PSD3: variants seen among roughly 807,000 people sequenced by gnomAD.
The protein encoded by PSD3 is pleckstrin and Sec7 domain containing 3, also known as PH and SEC7 domain-containing protein 3.
PSD3 carries 49 observed loss-of-function variants against 105.5 expected under a neutral mutation model. The observed-to-expected ratio is 0.46, with a 90% CI of 0.37 to 0.59. The LOEUF is 0.59. Ranked by LOEUF, PSD3 falls within the 20% of genes least tolerant of loss-of-function variation. The probability of loss-of-function intolerance (pLI) is 0.00; values close to 1 mark genes in which losing one functional copy is unlikely to be tolerated. For synonymous variants in PSD3, 557 were observed against 457.8 expected (o/e 1.22, Z -2.77); for missense variants, 1,561 against 1,263.8 (o/e 1.24, Z -3.57).
intron 1 of PSD3, among the ~76,000 whole-genome samples, chr8:18,984,559 C>A (rs189313119): frequency 1.7e-3 from 259 of 152,200 alleles, no homozygotes; most frequent in African/African-American, 6.1e-3. Context: ...ATCAAAGAAA[C>A]TATTTGAGCA....
intron 4 of PSD3, among the ~76,000 whole-genome samples, chr8:18,852,361 G>C (rs1271496590): frequency 5.3e-5 from 8 of 152,150 alleles, no homozygotes; most frequent in Non-Finnish European, 1.0e-4. Flanking sequence ...GACAATCTAG[G>C]AATACAGACA....
chr8:18,563,626 G>A (rs535754578), intron 14 of PSD3, among the ~76,000 whole-genome samples: 3 of 152,256 alleles, frequency 2.0e-5, no homozygotes, highest in African/African-American at 7.2e-5. Context: ...AGTATTTAAT[G>A]AGTATAAGCA....
intron 3 of PSD3, among the ~76,000 whole-genome samples, chr8:18,869,120 T>A (rs1167656541): frequency 1.3e-5 from 2 of 151,352 alleles, no homozygotes; most frequent in Admixed American, 6.6e-5. Flanking sequence ...GCACTTGGCA[T>A]AAACTGGACC....
At chr8:18,618,534 CATTTT>C (rs1199562212) in intron 11 of PSD3, among the ~76,000 whole-genome samples, 1 of 146,014 alleles carries the variant, frequency 6.8e-6, no homozygotes, top group African/African-American at 2.4e-5. Context: ...ACTTATTAAA[CATTTT>C]ATTGGCCATT....
chr8:18,604,736 C>G (rs924464570), intron 11 of PSD3, among the ~76,000 whole-genome samples: 1 of 152,170 alleles, frequency 6.6e-6, no homozygotes, highest in South Asian at 2.1e-4. Flanking sequence ...CAGGGCACTG[C>G]TGCCCTGTGA....
chr8:19,048,080 G>A (rs1828388260), intron 1 of PSD3, among the ~76,000 whole-genome samples: 1 of 152,116 alleles, frequency 6.6e-6, no homozygotes, highest in East Asian at 1.9e-4. Context: ...AGACTTCAAA[G>A]AGCCAGGGCA....
chr8:18,799,989 T>A (rs1475954546), intron 7 of PSD3, among the ~76,000 whole-genome samples: 1 of 152,196 alleles, frequency 6.6e-6, no homozygotes, highest in East Asian at 1.9e-4. Flanking sequence ...AGTTCTTTAG[T>A]ATAGTAGGTG....
At position 18,871,796 on chromosome 8, in the gene PSD3, T is replaced by G. The variant is rs777183598; in HGVS notation, c.1068A>C (p.Leu356Phe). 1.9e-6 allele frequency: 3 copies of G among 1,614,174 alleles called. No individual in the cohort carries two copies. The highest frequency in any genetic ancestry group is 2.5e-6 in the Non-Finnish European group (3 of 1,180,020). The change falls in exon 3 of 16, where the codon TTA becomes TTC. Residue 356 changes from leucine to phenylalanine, a missense_variant. Leu to Phe is a conservative substitution (Grantham distance 22, BLOSUM62 0). Transcript: ENST00000327040. ...AGGATTCATCCCAAACATTCTCAGT[T>G]AAACTACTTGAATTACACAAACCAG... ...SSAGLCNSSSLTENVWDESWK... is the reference protein window; with the variant it reads ...SSAGLCNSSSFTENVWDESWK...
At chr8:19,041,751 C>A (rs957141884) in intron 1 of PSD3, among the ~76,000 whole-genome samples, 2 of 152,210 alleles carry the variant, frequency 1.3e-5, no homozygotes, top group South Asian at 4.1e-4. Flanking sequence ...GAACAACAAG[C>A]ATTCCTCTGT....
chr8:18,621,833 G>GA (rs1029223363), intron 11 of PSD3, among the ~76,000 whole-genome samples: 2 of 151,996 alleles, frequency 1.3e-5, no homozygotes, highest in Admixed American at 6.6e-5. Flanking sequence ...TGTCTTTTGG[G>GA]AAAAAAAATT....
In PSD3 at chr8:18,856,038, A is replaced by C. The variant is rs1815981179; in HGVS notation, c.1634+11636T>G. On this transcript the variant is annotated intron_variant, in intron 4 of 15. Coordinates refer to ENST00000327040, the MANE Select transcript of PSD3 (RefSeq NM_015310.4). ...GGCAAAGAGGTTAACAATTCCCTTCACTCTCAAGTCCCCAAATCCAAGCAG... is the reference window on the plus strand; with the variant it reads ...GGCAAAGAGGTTAACAATTCCCTTCCCTCTCAAGTCCCCAAATCCAAGCAG... Among the ~76,000 whole-genome samples, 3 of 151,786 alleles carry C rather than the reference A, an allele frequency of 2.0e-5. No individual in the cohort carries two copies. The South Asian group carries it at 6.2e-4, about 32-fold the overall frequency.
At chr8:18,596,648 C>T (rs1804121824) in intron 12 of PSD3, among the ~76,000 whole-genome samples, 1 of 151,894 alleles carries the variant, frequency 6.6e-6, no homozygotes, top group Non-Finnish European at 1.5e-5. Flanking sequence ...GGAGGTATTG[C>T]AATTGATGCC....
chr8:18,806,064 A>G (rs558840109), intron 4 of PSD3, among the ~76,000 whole-genome samples: 136 of 152,124 alleles, frequency 8.9e-4, no homozygotes, highest in Non-Finnish European at 1.7e-3. Context: ...CCATTTCATC[A>G]CACACAAAAT....
At chr8:18,929,069 AT>A in intron 2 of PSD3, among the ~76,000 whole-genome samples, 2 of 152,260 alleles carry the variant, frequency 1.3e-5, no homozygotes, top group East Asian at 3.9e-4. Context: ...AATCCACTGA[AT>A]TTTACACATT....
chr8:18,843,959 T>C (rs1814861962), intron 4 of PSD3, among the ~76,000 whole-genome samples: 2 of 147,418 alleles, frequency 1.4e-5, no homozygotes, highest in African/African-American at 5.1e-5. Flanking sequence ...TGTCAGGAAA[T>C]GGGCAAGCTG....
intron 4 of PSD3, among the ~76,000 whole-genome samples, chr8:18,844,339 T>C (rs535428204): frequency 2.0e-5 from 3 of 152,160 alleles, no homozygotes; most frequent in Non-Finnish European, 4.4e-5. Flanking sequence ...ATTTCATTAA[T>C]ATATAAATAA....
chr8:18,808,111 G>C (rs181757427), intron 4 of PSD3, among the ~76,000 whole-genome samples: 1 of 152,126 alleles, frequency 6.6e-6, no homozygotes, highest in African/African-American at 2.4e-5. Context: ...TCCCATACAA[G>C]TGACAGAAAT....
chr8:19,069,688 A>G (rs1829190321), intron 1 of PSD3, among the ~76,000 whole-genome samples: 1 of 152,208 alleles, frequency 6.6e-6, no homozygotes, highest in Non-Finnish European at 1.5e-5. Flanking sequence ...AATGTTCACT[A>G]CAACTAAAGA....
At chr8:18,668,237 G>A (rs1799593540) in intron 9 of PSD3, among the ~76,000 whole-genome samples, 2 of 152,260 alleles carry the variant, frequency 1.3e-5, no homozygotes, top group African/African-American at 4.8e-5. Context: ...CCAGCACGCT[G>A]TCACCTCTCA....
Sources: allele counts gnomAD v4.1 joint callset (sites outside exome capture counted in the v4.1 genomes callset), GRCh38; gene constraint gnomAD v4.1.1; transcripts MANE v1.5; gene names NCBI Gene and HGNC (gene_info 2026-07-23, HGNC 2026-07-21).